The following AFF1 variants were observed in gnomAD, a reference collection of about 807,000 sequenced individuals.
AFF1 encodes the protein ALF transcription elongation factor 1.
In AFF1, 48 loss-of-function variants were observed where a neutral mutation model predicts 121.7. The ratio of observed to expected loss-of-function variants is 0.39; its 90% CI spans 0.31 to 0.50. The LOEUF is 0.50. Among genes scored for constraint, AFF1 ranks in the 20% least tolerant of loss-of-function variants. The probability of loss-of-function intolerance (pLI) is 0.76; values close to 1 mark genes in which losing one functional copy is unlikely to be tolerated. For synonymous variants in AFF1, 613 were observed against 563.0 expected (o/e 1.09, Z -1.26); for missense variants, 1,523 against 1,511.7 (o/e 1.01, Z -0.12).
intron 3 of AFF1, 107 bp from the exon 4 acceptor site, chr4:87,046,588 G>A (rs1578138864): frequency 7.5e-6 from 9 of 1,203,550 alleles, no homozygotes; most frequent in South Asian, 3.1e-5. Flanking sequence ...TCTACATGTC[G>A]TACATTAAGT....
At chr4:86,955,157 A>G (rs1012854393) in intron 2 of AFF1, among the ~76,000 whole-genome samples, 1 of 152,180 alleles carries the variant, frequency 6.6e-6, no homozygotes, top group Non-Finnish European at 1.5e-5. Context: ...GTGCCCTTGC[A>G]AGCTTTGTCT....
intron 15 of AFF1, among the ~76,000 whole-genome samples, chr4:87,127,388 C>T (rs1283423528): frequency 2.0e-5 from 3 of 152,098 alleles, no homozygotes; most frequent in South Asian, 2.1e-4. Flanking sequence ...GTCTCGAACT[C>T]CTGACCTCAA....
chr4:87,043,046 G>A (rs1730314265), intron 2 of AFF1, among the ~76,000 whole-genome samples: 2 of 152,204 alleles, frequency 1.3e-5, no homozygotes, highest in African/African-American at 4.8e-5. Context: ...GTTAGTTGAG[G>A]TGTAACTGTT....
chr4:87,007,383 G>A (rs766157613), intron 2 of AFF1: 1 of 1,613,790 alleles, frequency 6.2e-7, no homozygotes, highest in Non-Finnish European at 8.5e-7. Flanking sequence ...ATGGACGGAA[G>A]ACCCCTGGCT....
intron 2 of AFF1, among the ~76,000 whole-genome samples, chr4:87,013,666 CT>C (rs11322791): frequency 0.27 from 35,989 of 135,228 alleles, 4,775 homozygotes; most frequent in African/African-American, 0.35. Context: ...AAGATCTTAC[CT>C]TTTTTTTTTT....
chr4:87,069,816 AT>A (rs751029258), intron 4 of AFF1, among the ~76,000 whole-genome samples: 1,332 of 121,246 alleles, frequency 0.011, 6 homozygotes, highest in African/African-American at 0.03. Context: ...ATCACTCAGG[AT>A]TTTTTTTTTT....
At chr4:87,008,624 T>G (rs570067492) in intron 2 of AFF1, among the ~76,000 whole-genome samples, 1,514 of 149,848 alleles carry the variant, frequency 0.01, 74 homozygotes, top group Admixed American at 0.089. Context: ...TTTAGTGTTT[T>G]TTTTTTTTTT....
chr4:87,016,995 GGTT>G (rs1727359286), intron 2 of AFF1, among the ~76,000 whole-genome samples: 1 of 151,938 alleles, frequency 6.6e-6, no homozygotes, highest in Non-Finnish European at 1.5e-5. Flanking sequence ...GTGATGGACA[GGTT>G]GTCCCAATTT....
At chr4:86,991,445 CAA>C (rs57207984) in intron 2 of AFF1, among the ~76,000 whole-genome samples, 6,063 of 141,312 alleles carry the variant, frequency 0.043, 387 homozygotes, top group African/African-American at 0.16. Context: ...ACTCCATCTC[CAA>C]AAAAAAAAAA....
At chr4:87,034,411 T>G (rs1481504744) in intron 2 of AFF1, among the ~76,000 whole-genome samples, 1 of 152,214 alleles carries the variant, frequency 6.6e-6, no homozygotes, top group East Asian at 1.9e-4. Flanking sequence ...TGCCTTGCAT[T>G]TAAAATTCTC....
intron 2 of AFF1, among the ~76,000 whole-genome samples, chr4:86,964,261 T>C (rs1406231469): frequency 6.6e-6 from 1 of 151,320 alleles, no homozygotes; most frequent in Non-Finnish European, 1.5e-5. Context: ...GTAGCTGGGA[T>C]TGCAGGTGCG....
intron 2 of AFF1, among the ~76,000 whole-genome samples, chr4:86,982,723 CTG>C (rs1370241951): frequency 6.6e-6 from 1 of 151,612 alleles, no homozygotes; most frequent in Non-Finnish European, 1.5e-5. Context: ...TGGCAGGTCT[CTG>C]TAATCCCAGC....
chr4:86,939,006 C>T (rs1720254766), intron 1 of AFF1, among the ~76,000 whole-genome samples: 2 of 152,200 alleles, frequency 1.3e-5, no homozygotes, highest in Admixed American at 1.3e-4. Context: ...CTGAAGGAAT[C>T]AATTACATCA....
At chr4:87,117,377 A>G (rs1727232378) in intron 12 of AFF1, among the ~76,000 whole-genome samples, 1 of 147,862 alleles carries the variant, frequency 6.8e-6, no homozygotes, top group South Asian at 2.1e-4. Context: ...CCTGGGGAAC[A>G]GTCTGCCTCC....
intron 2 of AFF1, among the ~76,000 whole-genome samples, chr4:86,982,579 T>C (rs1211349267): frequency 1.3e-5 from 2 of 151,432 alleles, no homozygotes; most frequent in Non-Finnish European, 2.9e-5. Context: ...GAACTTGGGC[T>C]GGGCGTGGTG....
At chr4:86,997,093 G>A (rs745845594) in intron 2 of AFF1, among the ~76,000 whole-genome samples, 19 of 152,106 alleles carry the variant, frequency 1.2e-4, no homozygotes, top group Non-Finnish European at 2.5e-4. Context: ...TGTATTTTTG[G>A]TAGAGACGGG....
At position 86,982,598 on chromosome 4, in the gene AFF1, A is replaced by G. The variant is rs145407048; in HGVS notation, c.38+34027A>G. Among the ~76,000 whole-genome samples the G allele has an allele frequency of 5.9e-5, 9 of 151,422 alleles. 1 individual carries two copies. The South Asian group carries it at 1.9e-3, about 32-fold the overall frequency. ...TTGGGCTGGGCGTGGTGGCTCATGC[A>G]CTTTGGAAGGCTAAGGCAGACAGAT... is the stretch of plus-strand genomic sequence containing the variant. On this transcript the variant is annotated intron_variant, in intron 2 of 20. Coordinates refer to ENST00000395146, the MANE Select transcript of AFF1 (RefSeq NM_001166693.3).
intron 1 of AFF1, among the ~76,000 whole-genome samples, chr4:86,943,879 T>C (rs1240723789): frequency 6.6e-6 from 1 of 152,054 alleles, no homozygotes; most frequent in African/African-American, 2.4e-5. Context: ...GGAGAATCGC[T>C]TGAACCCTGA....
intron 2 of AFF1, among the ~76,000 whole-genome samples, chr4:87,006,796 G>T (rs887190557): frequency 3.3e-5 from 5 of 152,214 alleles, no homozygotes; most frequent in Admixed American, 3.3e-4. Flanking sequence ...CGCAGGCGGG[G>T]CTCGGCCGGG....
Sources: gnomAD v4.1 joint callset for allele counts (sites outside exome capture counted in the v4.1 genomes callset) on GRCh38, gnomAD v4.1.1 for gene constraint, MANE v1.5 for transcripts, NCBI Gene and HGNC (gene_info 2026-07-23, HGNC 2026-07-21) for gene names.